RNPEPL1: variants seen among roughly 807,000 people sequenced by gnomAD.
RNPEPL1 encodes the protein arginyl aminopeptidase like 1, also known as aminopeptidase RNPEPL1.
A neutral mutation model predicts 69.0 loss-of-function variants in RNPEPL1; 46 were observed. The ratio of observed to expected loss-of-function variants is 0.67; its 90% CI spans 0.53 to 0.85. RNPEPL1 has a LOEUF of 0.85. Ranked by LOEUF, RNPEPL1 falls within the 40% of genes least tolerant of loss-of-function variation. The probability of loss-of-function intolerance (pLI) is 0.00; values close to 1 mark genes in which losing one functional copy is unlikely to be tolerated. For synonymous variants in RNPEPL1, 525 were observed against 454.1 expected, an observed-to-expected ratio of 1.16 and a Z score of -1.98; for missense variants, 869 against 992.5, an observed-to-expected ratio of 0.88 and a Z score of 1.67.
intron 4 of RNPEPL1, 95 bp from the exon 5 acceptor site, chr2:240,574,018 G>C: frequency 7.1e-7 from 1 of 1,401,298 alleles, no homozygotes. Context: ...CGCAGGGGCT[G>C]GGCTGATCCC....
In RNPEPL1 at chr2:240,573,235, C is replaced by T. The variant is rs1360392086; in HGVS notation, c.795C>T (p.Asp265=). 7 of 1,571,056 alleles carry T rather than the reference C, an allele frequency of 4.5e-6. No homozygotes were observed. Among genetic ancestry groups the T allele is most frequent in the East Asian group, 2.3e-5 (1 of 42,738 alleles). Residue 265 remains aspartate, a synonymous_variant, in exon 3 of 11, where the codon GAC becomes GAT. Coordinates refer to ENST00000270357, the MANE Select transcript of RNPEPL1 (RefSeq NM_018226.6). ...PAYLVALVAG[D]LKPADIGPRS... ...ACCTCGTGGCCCTGGTGGCCGGAGACCTCAAGCCGGCAGACATCGGGCCCA... is the reference window on the plus strand; with the variant it reads ...ACCTCGTGGCCCTGGTGGCCGGAGATCTCAAGCCGGCAGACATCGGGCCCA...
rs748169018 is a variant in RNPEPL1, at chr2:240,573,265, G to A, written c.821+4G>A. The A allele has an allele frequency of 1.3e-6, 2 of 1,557,212 alleles. No homozygotes were observed. The highest frequency in any genetic ancestry group is 8.7e-7 in the Non-Finnish European group (1 of 1,150,856). ...AGCCGGCAGACATCGGGCCCAGGTA[G>A]GGCCTCCTGCTGGGGCCTTCTGGGG... On this transcript the variant is annotated splice_donor_region_variant and intron_variant, in intron 3 of 10. Transcript: ENST00000270357.
At chr2:240,575,931 ACAG>A (rs1205594111) in intron 8 of RNPEPL1, 4 of 396,232 alleles carry the variant, frequency 1.0e-5, no homozygotes, top group African/African-American at 4.0e-5. Flanking sequence ...GAGCTGGAGA[ACAG>A]CAGCCAGCCC....
At chr2:240,575,631 T>A in intron 8 of RNPEPL1, 21 bp downstream of exon 8, 1 of 1,598,664 alleles carries the variant, frequency 6.3e-7, no homozygotes, top group Non-Finnish European at 8.6e-7. Flanking sequence ...CCCCCAACCC[T>A]GCAGCCAGGG....
rs1248848066 is a variant in RNPEPL1 at position 240,574,366 on chromosome 2, G to A, written c.1174+18G>A. ...GACCTACGGTGCGGCCAGGGCCGGG[G>A]AGGGCAGCCACGGGGGGCCCTGGGC... On this transcript the variant is annotated intron_variant, in intron 5 of 10. Transcript: ENST00000270357. The A allele has an allele frequency of 3.1e-6, 5 of 1,590,208 alleles. No homozygotes were observed. In the East Asian group the frequency reaches 6.8e-5, roughly 22 times the overall value.
intron 7 of RNPEPL1, 38 bp from the exon 8 acceptor site, chr2:240,575,464 C>G (rs767402029): frequency 6.4e-7 from 1 of 1,569,774 alleles, no homozygotes; most frequent in Non-Finnish European, 8.8e-7. Context: ...TGTGCCCCAC[C>G]CTTCCAGGCC....
intron 3 of RNPEPL1, 21 bp downstream of exon 3, chr2:240,573,282 C>CT: frequency 6.5e-7 from 1 of 1,549,040 alleles, no homozygotes; most frequent in Non-Finnish European, 8.7e-7. Flanking sequence ...CTGCTGGGGC[C>CT]TTCTGGGGCT....
rs1461551581 is a variant in RNPEPL1, at chr2:240,569,036, C to G, written c.450C>G (p.Thr150=). Residue 150 remains threonine, a synonymous_variant, in exon 1 of 11, where the codon ACC becomes ACG. Transcript: ENST00000270357. The part of the protein sequence containing the change: ...DPFTDYGSSL[T]VTLPPELQAH... ...TCACCGACTACGGCTCCTCGCTCAC[C>G]GTCACGCTGCCGCCCGAGCTGCAGG... is the stretch of plus-strand genomic sequence containing the variant. The G allele has an allele frequency of 2.2e-5, 34 of 1,511,454 alleles. No homozygotes were observed. The highest frequency in any genetic ancestry group is 2.9e-5 in the Non-Finnish European group (33 of 1,137,424). 93.6% of individuals were successfully genotyped at this position (1,511,454 alleles called of 1,614,324 possible). A position where few individuals can be genotyped will look rare whatever the true frequency, so the allele number is the denominator to read the frequency against.
chr2:240,577,037 C>T lies in RNPEPL1; in HGVS notation c.1884+47C>T, dbSNP rs76077520. 28,717 of 1,605,740 alleles carry T rather than the reference C, an allele frequency of 0.018. 2,427 individuals are homozygous for T. The East Asian group carries it at 0.24, about 13-fold the overall frequency. ...GCCAGCCTGGAACGGCCTAGCCGTG[C>T]GGACTGGGAGTCCCACCCGACTCCC... On this transcript the variant is annotated intron_variant, in intron 10 of 10. Coordinates refer to ENST00000270357, the MANE Select transcript of RNPEPL1 (RefSeq NM_018226.6).
At chr2:240,577,076 T>G (rs1029448334) in intron 10 of RNPEPL1, 86 bp downstream of exon 10, 7 of 1,543,714 alleles carry the variant, frequency 4.5e-6, no homozygotes, top group Non-Finnish European at 6.2e-6. Flanking sequence ...TCTGAGCCCT[T>G]GGGGCAGGCC....
In RNPEPL1 at chr2:240,568,586, C is replaced by G. The variant is rs991949870; in HGVS notation, c.-1C>G. 8 of 982,502 alleles carry G rather than the reference C, an allele frequency of 8.1e-6. No individual in the cohort carries two copies. The highest frequency in any genetic ancestry group is 8.4e-6 in the Non-Finnish European group (7 of 829,852). The allele number at this position is 982,502 out of a possible 1,614,324, so 60.9% of individuals were successfully genotyped here. A position where few individuals can be genotyped will look rare whatever the true frequency, so the allele number is the denominator to read the frequency against. ...ATGGATTTCACCTAGTGCCGGCGGC[C>G]ATGGCCGCGCAGTGCTGCTGCCGCC... On this transcript the variant is annotated 5_prime_UTR_variant, in exon 1 of 11. Coordinates refer to ENST00000270357, the MANE Select transcript of RNPEPL1 (RefSeq NM_018226.6). This position sits in a 1 kb window ranked among gnomAD's most constrained non-coding sequence, Gnocchi z 6.2.
Position 240,575,623 on chromosome 2 carries a change from C to A in RNPEPL1, c.1510+13C>A. On this transcript the variant is annotated intron_variant, in intron 8 of 10. Transcript: ENST00000270357. ...GACTGCCGGGCAGGTGAGGCTGACC[C>A]CCAACCCTGCAGCCAGGGAGCCGTG... 6.2e-7 allele frequency: 1 copy of A among 1,605,388 alleles called. No homozygotes were observed. The highest frequency in any genetic ancestry group is 1.1e-5 in the South Asian group (1 of 90,948).
intron 3 of RNPEPL1, among the ~76,000 whole-genome samples, chr2:240,573,513 C>T (rs1032654053): frequency 6.6e-6 from 1 of 152,272 alleles, no homozygotes; most frequent in Non-Finnish European, 1.5e-5. Context: ...CCCGCACAGC[C>T]TGGCACCCTC....
chr2:240,580,829 G>A lies in RNPEPL1; in HGVS notation c.*2937G>A, dbSNP rs1434473481. 1.3e-5 allele frequency: 2 copies of A among 152,218 alleles called. No individual in the cohort carries two copies. Among genetic ancestry groups the A allele is most frequent in the African/African-American group, 4.8e-5 (2 of 41,444 alleles). 9.4% of individuals were successfully genotyped at this position (152,218 alleles called of 1,614,324 possible). On this transcript the variant is annotated 3_prime_UTR_variant, in exon 11 of 11. Coordinates refer to ENST00000270357, the MANE Select transcript of RNPEPL1 (RefSeq NM_018226.6). ...TGATGTTCAAAAAGGGAAAAGAAGC[G>A]TGATGAAAGACTGGTTTCTACAGAG...
At chr2:240,574,381 G>A (rs749873810) in intron 5 of RNPEPL1, 33 bp downstream of exon 5, 1 of 1,578,538 alleles carries the variant, frequency 6.3e-7, no homozygotes, top group South Asian at 1.1e-5. Flanking sequence ...CAGCCACGGG[G>A]GGCCCTGGGC....
intron 1 of RNPEPL1, among the ~76,000 whole-genome samples, chr2:240,569,498 A>C (rs2093015114): frequency 6.6e-6 from 1 of 152,228 alleles, no homozygotes; most frequent in African/African-American, 2.4e-5. Context: ...CCAGAGGCAG[A>C]GGAAAGGGCC....
chr2:240,569,687 C>T (rs991143064), intron 1 of RNPEPL1, among the ~76,000 whole-genome samples: 1 of 152,242 alleles, frequency 6.6e-6, no homozygotes, highest in Non-Finnish European at 1.5e-5. Flanking sequence ...GGCGCTGTGG[C>T]TGCAGCACCC....
chr2:240,573,668 TG>T, intron 3 of RNPEPL1, 106 bp from the exon 4 acceptor site: 2 of 960,476 alleles, frequency 2.1e-6, no homozygotes, highest in Non-Finnish European at 3.0e-6. Context: ...TCAGCCAGGC[TG>T]GGTGAGGTGT....
At chr2:240,569,311 G>A (rs978507399) in intron 1 of RNPEPL1, 197 bp downstream of exon 1, 20 of 574,810 alleles carry the variant, frequency 3.5e-5, no homozygotes, top group Non-Finnish European at 3.3e-5. Flanking sequence ...GGGGACACGG[G>A]ACAGCATGTC....
Sources: allele counts gnomAD v4.1 joint callset (sites outside exome capture counted in the v4.1 genomes callset), GRCh38; gene constraint gnomAD v4.1.1; non-coding constraint Gnocchi (gnomAD v3.1); transcripts MANE v1.5; gene names NCBI Gene and HGNC (gene_info 2026-07-23, HGNC 2026-07-21).